SNX10: variants seen among roughly 807,000 people sequenced by gnomAD.
The protein encoded by SNX10 is sorting nexin-10.
SNX10 carries 25 observed loss-of-function variants against 28.5 expected under a neutral mutation model. The observed-to-expected ratio is 0.88, with a 90% confidence interval of 0.64 to 1.22. The LOEUF (loss-of-function observed/expected upper bound fraction) is 1.22. SNX10 is among the 50% of genes most tolerant of loss of function. SNX10 has a pLI of 0.00. For missense variants in SNX10, 223 were observed against 242.6 expected (o/e 0.92, Z 0.54); for synonymous variants, 62 against 81.4 (o/e 0.76, Z 1.28).
intron 1 of SNX10, among the ~76,000 whole-genome samples, chr7:26,297,830 T>C (rs2562788): frequency 0.96 from 146,222 of 152,212 alleles, 70,390 homozygotes; most frequent in Non-Finnish European, 0.99. Flanking sequence ...TGTTGCTTTA[T>C]GTGCCTTAGT....
rs533452098 is a variant in SNX10 at position 26,367,315 on chromosome 7, T to C, written c.311+2170T>C. Among the ~76,000 whole-genome samples the C allele has an allele frequency of 2.6e-5, 4 of 152,320 alleles. No homozygotes were observed. The South Asian group carries it at 8.3e-4, about 32-fold the overall frequency. The stretch of plus-strand genomic sequence containing the variant: ...TGACACTTCCTTCTAGGGGGAGCAC[T>C]GTGTACACATCCAGGGCTACGGCTA... On this transcript the variant is annotated intron_variant, in intron 5 of 6. Coordinates refer to ENST00000338523, the MANE Select transcript of SNX10 (RefSeq NM_013322.3).
chr7:26,317,121 A>C (rs1191378146), intron 1 of SNX10, among the ~76,000 whole-genome samples: 1 of 152,188 alleles, frequency 6.6e-6, no homozygotes, highest in Non-Finnish European at 1.5e-5. Flanking sequence ...GCATTTACCC[A>C]AATAAGGGTA....
chr7:26,315,271 C>T (rs796303514), intron 1 of SNX10, among the ~76,000 whole-genome samples: 1 of 152,050 alleles, frequency 6.6e-6, no homozygotes, highest in Non-Finnish European at 1.5e-5. Flanking sequence ...ACTATAATGC[C>T]ATTATCATAT....
At chr7:26,292,153 T>C (rs1444105572) in intron 1 of SNX10, 67 bp downstream of exon 1, 1 of 152,406 alleles carries the variant, frequency 6.6e-6, no homozygotes, top group Non-Finnish European at 1.5e-5. Context: ...GCGGCCCTTC[T>C]TTCCAGAGGC....
At chr7:26,356,170 CAG>C (rs1460908788) in intron 2 of SNX10, among the ~76,000 whole-genome samples, 1 of 152,110 alleles carries the variant, frequency 6.6e-6, no homozygotes, top group Non-Finnish European at 1.5e-5. Context: ...TAGGATAACA[CAG>C]GAATTAGATC....
chr7:26,347,759 A>C (rs924384508), intron 2 of SNX10, among the ~76,000 whole-genome samples: 5 of 152,178 alleles, frequency 3.3e-5, no homozygotes, highest in Admixed American at 6.5e-5. Flanking sequence ...CTGAGGCACA[A>C]GAATCTCTTG....
intron 1 of SNX10, among the ~76,000 whole-genome samples, chr7:26,307,065 A>G (rs1043680316): frequency 2.6e-5 from 4 of 152,196 alleles, no homozygotes; most frequent in Non-Finnish European, 5.9e-5. Context: ...TCAGCAGTGG[A>G]TCTTCATGAC....
intron 5 of SNX10, among the ~76,000 whole-genome samples, chr7:26,369,561 AG>A (rs1789423181): frequency 6.6e-6 from 1 of 152,278 alleles, no homozygotes; most frequent in Admixed American, 6.5e-5. Context: ...AGAGAAACAG[AG>A]GAGATTCCAA....
chr7:26,364,574 C>G lies in SNX10; in HGVS notation c.151C>G (p.Arg51Gly). 6.2e-7 allele frequency: 1 copy of G among 1,613,800 alleles called. No homozygotes were observed. Among genetic ancestry groups the G allele is most frequent in the Non-Finnish European group, 8.5e-7 (1 of 1,179,844 alleles). Reference protein sequence around the residue: ...MCFTMKTSCVRRRYREFVWLR... With the variant: ...MCFTMKTSCVGRRYREFVWLR... The stretch of plus-strand genomic sequence containing the variant: ...TTTTACAATGAAAACATCCTGTGTA[C>G]GAAGAAGATATAGAGAATTCGTGTG... The change falls in exon 4 of 7, where the codon CGA becomes GGA. Residue 51 changes from arginine to glycine, a missense_variant. Physicochemically the swap from Arg to Gly is moderately radical, Grantham distance 125. Transcript: ENST00000338523. This position sits in a 1 kb window ranked among gnomAD's most constrained non-coding sequence, Gnocchi z 4.9.
intron 3 of SNX10, among the ~76,000 whole-genome samples, chr7:26,361,509 T>C (rs1259880825): frequency 6.6e-6 from 1 of 152,246 alleles, no homozygotes; most frequent in Non-Finnish European, 1.5e-5. Context: ...TGTGCAATTA[T>C]TGTGATTAAT....
intron 1 of SNX10, among the ~76,000 whole-genome samples, chr7:26,330,454 G>C (rs1381234133): frequency 6.6e-6 from 1 of 152,112 alleles, no homozygotes; most frequent in Non-Finnish European, 1.5e-5. Context: ...GTACTTGGGA[G>C]AGTTACCAGG....
rs564799149 is a variant in SNX10 at position 26,306,804 on chromosome 7, G to A, written c.-24+14718G>A. On this transcript the variant is annotated intron_variant, in intron 1 of 6. Transcript: ENST00000338523. Reference sequence around the variant, plus strand: ...GAAAGTCTGAGAATGAACAGTGACTGCAGCTGGCACAGTCGGAGCCAGGCA... The same window carrying A: ...GAAAGTCTGAGAATGAACAGTGACTACAGCTGGCACAGTCGGAGCCAGGCA... 6.6e-5 allele frequency among the ~76,000 whole-genome samples: 10 copies of A among 152,336 alleles called. No individual in the cohort carries two copies. In the East Asian group the frequency reaches 1.9e-3, roughly 29 times the overall value.
chr7:26,358,805 G>GTTTTTGTTTTT (rs1554360948), intron 2 of SNX10, among the ~76,000 whole-genome samples: 2 of 100,112 alleles, frequency 2.0e-5, no homozygotes, highest in African/African-American at 8.8e-5. Flanking sequence ...GTTATCTTGT[G>GTTTTTGTTTTT]TTTTTTTTTT....
intron 1 of SNX10, among the ~76,000 whole-genome samples, chr7:26,296,326 G>A (rs1427067501): frequency 6.6e-6 from 1 of 152,120 alleles, no homozygotes; most frequent in Non-Finnish European, 1.5e-5. Context: ...GCTGAGGTGG[G>A]AGGATTGCTT....
chr7:26,327,100 G>A (rs1219571920), intron 1 of SNX10, among the ~76,000 whole-genome samples: 4 of 152,018 alleles, frequency 2.6e-5, no homozygotes, highest in Admixed American at 6.6e-5. Context: ...ACAGGTGTGC[G>A]CCACCATCCC....
intron 2 of SNX10, among the ~76,000 whole-genome samples, chr7:26,348,780 T>G (rs1428879085): frequency 1.3e-5 from 2 of 152,220 alleles, no homozygotes; most frequent in African/African-American, 2.4e-5. Flanking sequence ...TTCTTGTTCC[T>G]TATTTCAGAG....
intron 1 of SNX10, among the ~76,000 whole-genome samples, chr7:26,306,045 C>G (rs948483001): frequency 1.1e-4 from 17 of 152,174 alleles, no homozygotes; most frequent in Non-Finnish European, 1.9e-4. Context: ...CAGGCATGAG[C>G]CACCACACCT....
At chr7:26,357,874 T>G (rs1449989763) in intron 2 of SNX10, among the ~76,000 whole-genome samples, 2 of 151,958 alleles carry the variant, frequency 1.3e-5, no homozygotes, top group Non-Finnish European at 2.9e-5. Context: ...CTCAAGGGAC[T>G]TCTAGGTGGA....
chr7:26,363,763 CTT>C (rs1213756986), intron 3 of SNX10, among the ~76,000 whole-genome samples: 2 of 48,522 alleles, frequency 4.1e-5, no homozygotes, highest in Non-Finnish European at 1.2e-4. Flanking sequence ...GAAACCAACA[CTT>C]AGTAACTAAC....
Sources: allele counts gnomAD v4.1 joint callset (sites outside exome capture counted in the v4.1 genomes callset), GRCh38; gene constraint gnomAD v4.1.1; non-coding constraint Gnocchi (gnomAD v3.1); transcripts MANE v1.5; gene names NCBI Gene and HGNC (gene_info 2026-07-23, HGNC 2026-07-21).